NPNT: variants seen among roughly 807,000 people sequenced by gnomAD.
The protein encoded by NPNT is preosteoblast EGF-like repeat protein with MAM domain.
A neutral mutation model predicts 68.6 loss-of-function variants in NPNT; 45 were observed. The ratio of observed to expected loss-of-function variants is 0.66; its 90% CI spans 0.52 to 0.84. The LOEUF (loss-of-function observed/expected upper bound fraction) is 0.84. Ranked by LOEUF, NPNT falls within the 40% of genes least tolerant of loss-of-function variation. The pLI, the probability that NPNT is intolerant of heterozygous loss-of-function variation, is 0.00. For missense variants in NPNT, 672 were observed against 714.8 expected (o/e 0.94, Z 0.68); for synonymous variants, 233 against 253.3 (o/e 0.92, Z 0.76).
rs1373583564 is a variant in NPNT, at chr4:105,934,954, C to T, written c.266-2055C>T. Among the ~76,000 whole-genome samples, 3 of 152,146 alleles carry T rather than the reference C, an allele frequency of 2.0e-5. 1 individual carries two copies. Among genetic ancestry groups the T allele is most frequent in the Admixed American group, 1.3e-4 (2 of 15,258 alleles). The stretch of plus-strand genomic sequence containing the variant: ...GCAATCCTAAGGGGCCCTTTATTGG[C>T]CCAGACTGGAGCCAAATTGTAGAAG... On this transcript the variant is annotated intron_variant, in intron 3 of 11. Coordinates refer to ENST00000379987, the MANE Select transcript of NPNT (RefSeq NM_001033047.3).
intron 6 of NPNT, 77 bp downstream of exon 6, chr4:105,940,286 G>T: frequency 2.1e-6 from 3 of 1,433,284 alleles, no homozygotes; most frequent in Non-Finnish European, 2.9e-6. Context: ...GTGATGGCTG[G>T]AATGTCAGGG....
At chr4:105,897,447 T>C (rs997698762) in intron 1 of NPNT, among the ~76,000 whole-genome samples, 5 of 152,232 alleles carry the variant, frequency 3.3e-5, no homozygotes, top group Non-Finnish European at 7.3e-5. Context: ...ACCTTTTATA[T>C]GAGGCAGAAA....
intron 7 of NPNT, among the ~76,000 whole-genome samples, chr4:105,941,017 G>C (rs1427189979): frequency 6.6e-6 from 1 of 151,934 alleles, no homozygotes; most frequent in Non-Finnish European, 1.5e-5. Context: ...TTTTCCCTCT[G>C]TTTTATTGCT....
intron 8 of NPNT, 104 bp from the exon 9 acceptor site, chr4:105,958,367 T>C (rs529103427): frequency 5.5e-6 from 3 of 549,248 alleles, no homozygotes; most frequent in Middle Eastern, 2.7e-4. Context: ...TCCAGATGAA[T>C]AAAATGACTA....
intron 11 of NPNT, 118 bp from the exon 12 acceptor site, chr4:105,968,777 C>G (rs1173270176): frequency 1.7e-6 from 1 of 576,412 alleles, no homozygotes; most frequent in Non-Finnish European, 3.1e-6. Flanking sequence ...TGTTTTTTTC[C>G]TCCTGCAAAA....
At chr4:105,964,399 A>G (rs1578693761) in intron 10 of NPNT, among the ~76,000 whole-genome samples, 1 of 152,244 alleles carries the variant, frequency 6.6e-6, no homozygotes. Flanking sequence ...CTATATCCAT[A>G]GAATAAATTC....
At chr4:105,965,399 C>T (rs72956794) in intron 10 of NPNT, among the ~76,000 whole-genome samples, 6,340 of 149,372 alleles carry the variant, frequency 0.042, 289 homozygotes, top group African/African-American at 0.12. Context: ...AAACCTGGTG[C>T]GCACAGAGTA....
intron 10 of NPNT, among the ~76,000 whole-genome samples, chr4:105,965,280 C>T (rs1444981453): frequency 6.7e-6 from 1 of 150,022 alleles, no homozygotes; most frequent in East Asian, 2.0e-4. Flanking sequence ...ACTTGCTTGA[C>T]ACTGAATCAA....
rs114358925 is a variant in NPNT, at chr4:105,907,343, A to G, written c.172+9342A>G. Among the ~76,000 whole-genome samples the G allele has an allele frequency of 9.4e-3, 1,436 of 152,296 alleles. 18 individuals are homozygous for G. Among genetic ancestry groups the G allele is most frequent in the African/African-American group, 0.03 (1,250 of 41,550 alleles). ...TAGTGATTTTAAAAATTATGACTCA[A>G]TGCATATTCTGAGAGTGCAGCAATC... On this transcript the variant is annotated intron_variant, in intron 2 of 11. Coordinates refer to ENST00000379987, the MANE Select transcript of NPNT (RefSeq NM_001033047.3).
chr4:105,970,391 C>T lies in NPNT; in HGVS notation c.*1401C>T, dbSNP rs772253767. 11 of 698,858 alleles carry T rather than the reference C, an allele frequency of 1.6e-5. No homozygotes were observed. The South Asian group carries it at 1.6e-4, about 10-fold the overall frequency. 43.3% of individuals were successfully genotyped at this position (698,858 alleles called of 1,614,324 possible). Reference sequence around the variant, plus strand: ...TTTCTGCTATTTTTGCCAGGAATCACAAAGATGATTAAAGGGTTGGAAAAA... The same window carrying T: ...TTTCTGCTATTTTTGCCAGGAATCATAAAGATGATTAAAGGGTTGGAAAAA... On this transcript the variant is annotated 3_prime_UTR_variant, in exon 12 of 12. Coordinates refer to ENST00000379987, the MANE Select transcript of NPNT (RefSeq NM_001033047.3).
At chr4:105,941,436 T>A (rs1729946430) in intron 7 of NPNT, among the ~76,000 whole-genome samples, 2 of 152,096 alleles carry the variant, frequency 1.3e-5, no homozygotes, top group South Asian at 4.1e-4. Context: ...TTATTTGGAG[T>A]AGTGGTTATG....
intron 2 of NPNT, among the ~76,000 whole-genome samples, chr4:105,900,228 A>G (rs555400685): frequency 3.3e-5 from 5 of 152,270 alleles, no homozygotes; most frequent in African/African-American, 1.2e-4. Context: ...TCTTTTCTGA[A>G]TGATTCACTT....
At chr4:105,942,286 T>G (rs376586027) in intron 7 of NPNT, 21 bp from the exon 8 acceptor site, 24 of 1,561,858 alleles carry the variant, frequency 1.5e-5, no homozygotes, top group East Asian at 2.3e-5. Flanking sequence ...ACATACTGAT[T>G]TAAGTCTTTG....
At chr4:105,953,417 A>G (rs1730980830) in intron 8 of NPNT, among the ~76,000 whole-genome samples, 1 of 152,198 alleles carries the variant, frequency 6.6e-6, no homozygotes, top group Non-Finnish European at 1.5e-5. Context: ...TTTGACAAAC[A>G]AGGTCTTATT....
chr4:105,902,500 C>T (rs1262926385), intron 2 of NPNT, among the ~76,000 whole-genome samples: 1 of 152,138 alleles, frequency 6.6e-6, no homozygotes, highest in Non-Finnish European at 1.5e-5. Context: ...CTTCATTGTC[C>T]TTAGTGTAGT....
At chr4:105,898,336 C>CTCTCTG (rs1560881809) in intron 2 of NPNT, among the ~76,000 whole-genome samples, 3 of 112,102 alleles carry the variant, frequency 2.7e-5, no homozygotes, top group African/African-American at 1.2e-4. Flanking sequence ...CTGTCTCTCT[C>CTCTCTG]TCTCTCTCTC....
chr4:105,955,920 A>G (rs1308967890), intron 8 of NPNT, among the ~76,000 whole-genome samples: 1 of 152,172 alleles, frequency 6.6e-6, no homozygotes, highest in Non-Finnish European at 1.5e-5. Context: ...GTTATAGAGT[A>G]GAGCACACAA....
chr4:105,910,988 A>T lies in NPNT; in HGVS notation c.172+12987A>T, dbSNP rs1233209044. ...ATAAATTTGATGACTCAAAATTGGC[A>T]ATTAAAGAATATTAAAGAAACGGTA... On this transcript the variant is annotated intron_variant, in intron 2 of 11. Coordinates refer to ENST00000379987, the MANE Select transcript of NPNT (RefSeq NM_001033047.3). Among the ~76,000 whole-genome samples the T allele has an allele frequency of 2.0e-5, 3 of 152,280 alleles. No homozygotes were observed. In the East Asian group the frequency reaches 5.8e-4, roughly 29 times the overall value.
At chr4:105,941,377 T>A (rs1334139933) in intron 7 of NPNT, among the ~76,000 whole-genome samples, 1 of 152,162 alleles carries the variant, frequency 6.6e-6, no homozygotes. Context: ...TTCCCATATT[T>A]ATTTCCTCTA....
Sources: gnomAD v4.1 joint callset for allele counts (sites outside exome capture counted in the v4.1 genomes callset) on GRCh38, gnomAD v4.1.1 for gene constraint, MANE v1.5 for transcripts, NCBI Gene and HGNC (gene_info 2026-07-23, HGNC 2026-07-21) for gene names.